ERAS: variants seen among roughly 807,000 people sequenced by gnomAD.
ERAS encodes ES cell expressed Ras, also known as GTPase ERas.
For synonymous variants in ERAS, 87 were observed against 89.1 expected (o/e 0.98, Z 0.13); for missense variants, 137 against 199.2 (o/e 0.69, Z 1.88).
intron 1 of ERAS, among the ~76,000 whole-genome samples, chrX:48,828,638 C>A (rs1353492463): frequency 2.7e-5 from 3 of 111,383 alleles, no homozygotes; most frequent in Non-Finnish European, 3.8e-5. Context: ...CAATGGTGAC[C>A]AAAACCGGCA....
In ERAS at chrX:48,829,268, G is replaced by A. The variant is rs782606636; in HGVS notation, c.145G>A (p.Ala49Thr). The A allele has an allele frequency of 1.7e-6, 2 of 1,209,370 alleles. No homozygotes were observed. Among genetic ancestry groups the A allele is most frequent in the Admixed American group, 2.2e-5 (1 of 45,901 alleles). ...LPEYKAVVVG[A>T]SGVGKSALTI... is the part of the protein sequence containing the mutation. ...TGAGTACAAGGCTGTGGTGGTGGGC[G>A]CCAGTGGCGTGGGCAAGAGTGCGCT... The change falls in exon 2 of 2, where the codon GCC becomes ACC. Residue 49 changes from alanine to threonine, a missense_variant. Physicochemically the swap from Ala to Thr is moderately conservative, Grantham distance 58. Transcript: ENST00000636362.
chrX:48,828,788 A>C, intron 1 of ERAS: 1 of 195,931 alleles, frequency 5.1e-6, no homozygotes, highest in Non-Finnish European at 9.4e-6. Context: ...GTTAAATTGG[A>C]CACTAGCTGG....
At chrX:48,828,202 T>C (rs1458174389) in intron 1 of ERAS, among the ~76,000 whole-genome samples, 5 of 110,187 alleles carry the variant, frequency 4.5e-5, no homozygotes, top group Non-Finnish European at 7.6e-5. Context: ...AATTTTTTTG[T>C]GTTTTTATTA....
rs150963546 is a variant in ERAS at position 48,828,021 on chromosome X, C to CTTTT, written c.-43-1042_-43-1039dup. Among the ~76,000 whole-genome samples the CTTTT allele has an allele frequency of 3.3e-5, 3 of 89,855 alleles. 1 individual carries two copies. Among genetic ancestry groups the CTTTT allele is most frequent in the Non-Finnish European group, 6.6e-5 (3 of 45,666 alleles). The allele number at this position is 89,855 out of a possible 115,157, so 78.0% of individuals were successfully genotyped here. A position where few individuals can be genotyped will look rare whatever the true frequency, so the allele number is the denominator to read the frequency against. On this transcript the variant is annotated intron_variant, in intron 1 of 1. Transcript: ENST00000636362. ...TCACCCGCTACTGACATATAGTTCA[C>CTTTT]TTTTTTTTTTTTTTTTTTTTTGAGA...
Position 48,829,072 on chromosome X carries a change from C to A in ERAS, c.-43-9C>A. On this transcript the variant is annotated splice_polypyrimidine_tract_variant and intron_variant, in intron 1 of 1. Coordinates refer to ENST00000636362, the MANE Select transcript of ERAS (RefSeq NM_181532.3). ...CCTGTTGTCTTGCTTCTTCTCTTCC[C>A]ACTTGCAGAGCCTGCTGCCCACGTC... The A allele has an allele frequency of 9.6e-7, 1 of 1,038,391 alleles. No individual in the cohort carries two copies. The highest frequency in any genetic ancestry group is 2.6e-5 in the South Asian group (1 of 38,929). 85.6% of individuals were successfully genotyped at this position (1,038,391 alleles called of 1,213,427 possible).
chrX:48,829,269 C>T lies in ERAS; in HGVS notation c.146C>T (p.Ala49Val), dbSNP rs2063166341. The T allele has an allele frequency of 8.3e-7, 1 of 1,208,640 alleles. No homozygotes were observed. The highest frequency in any genetic ancestry group is 2.2e-5 in the Admixed American group (1 of 45,788). The change falls in exon 2 of 2, where the codon GCC becomes GTC. Residue 49 changes from alanine to valine, a missense_variant. Physicochemically the swap from Ala to Val is moderately conservative, Grantham distance 64. Transcript: ENST00000636362. ...LPEYKAVVVGASGVGKSALTI... is the reference protein window; with the variant it reads ...LPEYKAVVVGVSGVGKSALTI... ...GAGTACAAGGCTGTGGTGGTGGGCG[C>T]CAGTGGCGTGGGCAAGAGTGCGCTG...
rs1307649577 is a variant in ERAS at position 48,826,927 on chromosome X, C to G, written c.-44+378C>G. ...GGTGAGCTGGGCGAAGCCCCCCAACCTGGTCCCAGCGGCTCTGAGCGCGCG... is the reference window on the plus strand; with the variant it reads ...GGTGAGCTGGGCGAAGCCCCCCAACGTGGTCCCAGCGGCTCTGAGCGCGCG... On this transcript the variant is annotated intron_variant, in intron 1 of 1. Transcript: ENST00000636362. 5.3e-5 allele frequency among the ~76,000 whole-genome samples: 6 copies of G among 113,002 alleles called. No individual in the cohort carries two copies. In the East Asian group the frequency reaches 1.1e-3, roughly 22 times the overall value.
chrX:48,827,100 C>G (rs1452696044), intron 1 of ERAS, among the ~76,000 whole-genome samples: 3 of 112,183 alleles, frequency 2.7e-5, no homozygotes, highest in Non-Finnish European at 5.7e-5. Flanking sequence ...GCCTTGGGGA[C>G]CAGGGCCGCG....
Position 48,829,770 on chromosome X carries a change from GGGA to G in ERAS, c.649_651del (p.Glu217del), listed in dbSNP as rs1383772335. 8.4e-7 allele frequency: 1 copy of G among 1,185,437 alleles called. No individual in the cohort carries two copies. The highest frequency in any genetic ancestry group is 1.7e-5 in the African/African-American group (1 of 57,303). On this transcript the variant is annotated inframe_deletion, in exon 2 of 2. Transcript: ENST00000636362. ...AAGGAGCCCATGGCAAGGTCCTGTA[GGGA>G]GAAGACCCGGCACCAGAAGGCCACC... is the stretch of plus-strand genomic sequence containing the variant.
At position 48,829,206 on chromosome X, in the gene ERAS, C is replaced by T; in HGVS notation, c.83C>T (p.Ala28Val). ...TCCTTCCAGGGGGAAACCCACCGGGCTCAGGCACGCCGCAGGGATGTTGGC... is the reference window on the plus strand; with the variant it reads ...TCCTTCCAGGGGGAAACCCACCGGGTTCAGGCACGCCGCAGGGATGTTGGC... ...SPSFQGETHR[A>V]QARRRDVGRQ... The change falls in exon 2 of 2, where the codon GCT becomes GTT. Residue 28 changes from alanine to valine, a missense_variant. Coordinates refer to ENST00000636362, the MANE Select transcript of ERAS (RefSeq NM_181532.3). 2 of 1,175,377 alleles carry T rather than the reference C, an allele frequency of 1.7e-6. No individual in the cohort carries two copies. Among genetic ancestry groups the T allele is most frequent in the Non-Finnish European group, 2.3e-6 (2 of 876,263 alleles).
intron 1 of ERAS, among the ~76,000 whole-genome samples, chrX:48,827,828 CTCTT>C (rs782695370): frequency 9.0e-6 from 1 of 111,475 alleles, no homozygotes; most frequent in African/African-American, 3.3e-5. Flanking sequence ...TTGTTACTGT[CTCTT>C]TCTCTCTGCC....
At chrX:48,827,857 A>C (rs2063163306) in intron 1 of ERAS, among the ~76,000 whole-genome samples, 1 of 110,901 alleles carries the variant, frequency 9.0e-6, no homozygotes, top group African/African-American at 3.3e-5. Context: ...TCCAATCCTC[A>C]CAAGGGCAGG....
At chrX:48,828,895 G>A in intron 1 of ERAS, 186 bp from the exon 2 acceptor site, 2 of 291,984 alleles carry the variant, frequency 6.8e-6, no homozygotes, top group Non-Finnish European at 1.2e-5. Context: ...AGGAGAGATG[G>A]GGGGACGTGG....
At chrX:48,828,194 T>G (rs1402388462) in intron 1 of ERAS, among the ~76,000 whole-genome samples, 1 of 109,881 alleles carries the variant, frequency 9.1e-6, no homozygotes, top group Non-Finnish European at 1.9e-5. Context: ...TCCTGGCTAA[T>G]TTTTTTGTGT....
intron 1 of ERAS, among the ~76,000 whole-genome samples, chrX:48,827,544 C>T (rs782779240): frequency 1.8e-5 from 2 of 111,961 alleles, no homozygotes; most frequent in Admixed American, 1.9e-4. Context: ...GGCCGCATCC[C>T]CATTTGGGAC....
At chrX:48,828,312 G>A (rs1169170140) in intron 1 of ERAS, among the ~76,000 whole-genome samples, 1 of 111,631 alleles carries the variant, frequency 9.0e-6, no homozygotes, top group Non-Finnish European at 1.9e-5. Flanking sequence ...ACAGGCGTGA[G>A]CCATTGTGCC....
chrX:48,827,795 A>G (rs891625838), intron 1 of ERAS, among the ~76,000 whole-genome samples: 5 of 111,242 alleles, frequency 4.5e-5, no homozygotes, highest in African/African-American at 1.6e-4. Context: ...CTCTTCGAAC[A>G]TGCAACTTCC....
At position 48,829,782 on chromosome X, in the gene ERAS, G is replaced by A. The variant is rs781862276; in HGVS notation, c.659G>A (p.Arg220Gln). The change falls in exon 2 of 2, where the codon CGG becomes CAG. Residue 220 changes from arginine (R) to glutamine (Q), a missense_variant. Physicochemically the swap from Arg to Gln is conservative, Grantham distance 43. Coordinates refer to ENST00000636362, the MANE Select transcript of ERAS (RefSeq NM_181532.3). ...GCAAGGTCCTGTAGGGAGAAGACCC[G>A]GCACCAGAAGGCCACCTGCCACTGT... is the stretch of plus-strand genomic sequence containing the variant. ...PMARSCREKTRHQKATCHCGC... is the reference protein window; with the variant it reads ...PMARSCREKTQHQKATCHCGC... The A allele has an allele frequency of 1.3e-4, 157 of 1,168,200 alleles. 1 individual carries two copies. The South Asian group carries it at 2.2e-3, about 16-fold the overall frequency.
Position 48,829,133 on chromosome X carries a change from C to A in ERAS, c.10C>A (p.Pro4Thr), listed in dbSNP as rs1327034269. The change falls in exon 2 of 2, where the codon CCA becomes ACA. Residue 4 changes from proline (P) to threonine (T), a missense_variant. Pro to Thr is a conservative substitution (Grantham distance 38, BLOSUM62 -1). Transcript: ENST00000636362. The part of the protein sequence containing the change: MEL[P>T]TKPGTFDLGL... ...GCTGCCTGCTGGGGTCATGGAGCTG[C>A]CAACAAAGCCTGGCACCTTCGACCT... is the stretch of plus-strand genomic sequence containing the variant. 2 of 1,101,821 alleles carry A rather than the reference C, an allele frequency of 1.8e-6. No individual in the cohort carries two copies. The highest frequency in any genetic ancestry group is 2.4e-6 in the Non-Finnish European group (2 of 842,250). The allele number at this position is 1,101,821 out of a possible 1,213,427, so 90.8% of individuals were successfully genotyped here. A position where few individuals can be genotyped will look rare whatever the true frequency, so the allele number is the denominator to read the frequency against.
Sources: gnomAD v4.1 joint callset for allele counts (sites outside exome capture counted in the v4.1 genomes callset) on GRCh38, gnomAD v4.1.1 for gene constraint, MANE v1.5 for transcripts, NCBI Gene and HGNC (gene_info 2026-07-23, HGNC 2026-07-21) for gene names.